WDR89: variants seen among roughly 807,000 people sequenced by gnomAD.
WDR89 encodes the protein WD repeat-containing protein 89.
In WDR89, 17 loss-of-function variants were observed where a neutral mutation model predicts 29.1. That is an observed-to-expected ratio of 0.58 (90% confidence interval 0.40 to 0.88). The LOEUF (loss-of-function observed/expected upper bound fraction) is 0.88, where lower values mean the gene tolerates loss of function less well. Ranked by LOEUF, WDR89 falls within the 40% of genes least tolerant of loss-of-function variation. The probability of loss-of-function intolerance (pLI) is 0.00; values close to 1 mark genes in which losing one functional copy is unlikely to be tolerated. For missense variants in WDR89, 396 were observed against 456.3 expected, an observed-to-expected ratio of 0.87 and a Z score of 1.20; for synonymous variants, 138 against 157.8, an observed-to-expected ratio of 0.87 and a Z score of 0.94.
intron 1 of WDR89, among the ~76,000 whole-genome samples, chr14:63,629,493 C>T (rs1256164890): frequency 6.6e-6 from 1 of 152,232 alleles, no homozygotes; most frequent in Non-Finnish European, 1.5e-5. Context: ...CTTCCTTTCT[C>T]CCTCAGGAAC....
intron 2 of WDR89, among the ~76,000 whole-genome samples, chr14:63,610,325 AG>A (rs1175119691): frequency 3.3e-5 from 5 of 151,802 alleles, no homozygotes; most frequent in Non-Finnish European, 5.9e-5. Flanking sequence ...TAAATAAATG[AG>A]GGAGAAGGAA....
chr14:63,639,688 T>C (rs1171882038), intron 1 of WDR89, among the ~76,000 whole-genome samples: 1 of 152,134 alleles, frequency 6.6e-6, no homozygotes, highest in African/African-American at 2.4e-5. Flanking sequence ...CTTAAACACA[T>C]GGAAATCACT....
At chr14:63,626,032 T>G (rs1309532194) in intron 1 of WDR89, among the ~76,000 whole-genome samples, 1 of 151,918 alleles carries the variant, frequency 6.6e-6, no homozygotes, top group East Asian at 1.9e-4. Context: ...TTTTGTATCT[T>G]TAGTAGAGAT....
chr14:63,603,365 A>G (rs1464375788), intron 2 of WDR89, among the ~76,000 whole-genome samples: 1 of 152,170 alleles, frequency 6.6e-6, no homozygotes, highest in African/African-American at 2.4e-5. Flanking sequence ...ATACTTCACT[A>G]TAACAGCATC....
chr14:63,625,489 T>C (rs909511821), intron 1 of WDR89, among the ~76,000 whole-genome samples: 3 of 151,100 alleles, frequency 2.0e-5, no homozygotes, highest in African/African-American at 7.4e-5. Context: ...TTATGGAATG[T>C]AAATTACACT....
chr14:63,605,427 C>T (rs142071901), intron 2 of WDR89, among the ~76,000 whole-genome samples: 17 of 151,378 alleles, frequency 1.1e-4, no homozygotes, highest in South Asian at 4.2e-4. Context: ...GACTATGTTA[C>T]GGGTTTATGT....
At chr14:63,607,274 T>G (rs1895363096) in intron 2 of WDR89, among the ~76,000 whole-genome samples, 2 of 152,120 alleles carry the variant, frequency 1.3e-5, no homozygotes, top group Admixed American at 6.5e-5. Flanking sequence ...GCCATTCTCC[T>G]GCCTCAGCCT....
chr14:63,636,412 C>CA (rs1883741675), intron 1 of WDR89, among the ~76,000 whole-genome samples: 1 of 152,146 alleles, frequency 6.6e-6, no homozygotes, highest in Non-Finnish European at 1.5e-5. Context: ...CTAGAAAAAA[C>CA]AATCCTAAAA....
intron 2 of WDR89, among the ~76,000 whole-genome samples, chr14:63,605,437 T>A (rs1895277648): frequency 6.6e-6 from 1 of 152,080 alleles, no homozygotes; most frequent in South Asian, 2.1e-4. Context: ...CGGGTTTATG[T>A]TACTCGTTTA....
At chr14:63,627,964 A>C (rs1883175112) in intron 1 of WDR89, among the ~76,000 whole-genome samples, 2 of 152,220 alleles carry the variant, frequency 1.3e-5, no homozygotes, top group Non-Finnish European at 2.9e-5. Flanking sequence ...GGCTGAGCAC[A>C]GTGGCTCACG....
At chr14:63,616,929 A>G (rs1248705470) in intron 2 of WDR89, among the ~76,000 whole-genome samples, 2 of 152,076 alleles carry the variant, frequency 1.3e-5, no homozygotes, top group African/African-American at 4.8e-5. Context: ...CACAAATATG[A>G]AAGAATTTTC....
At chr14:63,601,986 T>C (rs1595015129) in intron 2 of WDR89, among the ~76,000 whole-genome samples, 1 of 152,248 alleles carries the variant, frequency 6.6e-6, no homozygotes, top group Non-Finnish European at 1.5e-5. Context: ...GAATATTCTT[T>C]CTAGCCTGTC....
chr14:63,609,759 C>G (rs1881832512), intron 2 of WDR89, among the ~76,000 whole-genome samples: 1 of 151,004 alleles, frequency 6.6e-6, no homozygotes, highest in African/African-American at 2.4e-5. Context: ...CACTGCACTC[C>G]AGGCTGGAGA....
chr14:63,601,317 G>A (rs945029013), intron 2 of WDR89, among the ~76,000 whole-genome samples: 1 of 151,632 alleles, frequency 6.6e-6, no homozygotes, highest in African/African-American at 2.4e-5. Context: ...TGTGATAGTA[G>A]AACTGGGATT....
intron 2 of WDR89, among the ~76,000 whole-genome samples, chr14:63,607,491 C>G (rs1881643650): frequency 6.6e-6 from 1 of 152,096 alleles, no homozygotes; most frequent in Admixed American, 6.6e-5. Context: ...AGAACAGTAA[C>G]AGAAATCCCC....
At chr14:63,620,179 TG>T in intron 2 of WDR89, among the ~76,000 whole-genome samples, 1 of 152,090 alleles carries the variant, frequency 6.6e-6, no homozygotes. Context: ...TAGCCGAGCG[TG>T]GTGGTGTGCA....
intron 1 of WDR89, among the ~76,000 whole-genome samples, chr14:63,632,428 C>T (rs1411341459): frequency 1.3e-5 from 2 of 151,902 alleles, no homozygotes; most frequent in South Asian, 4.2e-4. Flanking sequence ...GCCAGGAGTT[C>T]AAGACCAGCC....
At chr14:63,603,074 A>G (rs537365388) in intron 2 of WDR89, among the ~76,000 whole-genome samples, 1 of 152,148 alleles carries the variant, frequency 6.6e-6, no homozygotes, top group South Asian at 2.1e-4. Context: ...GGTTTAAAAT[A>G]GAAATAAGCA....
Position 63,601,480 on chromosome 14 carries a change from C to A in WDR89, c.-31-1507G>T. The A allele has an allele frequency of 3.2e-6, 4 of 1,234,890 alleles. No individual in the cohort carries two copies. In the Admixed American group the frequency reaches 7.0e-5, roughly 22 times the overall value. The allele number at this position is 1,234,890 out of a possible 1,614,324, so 76.5% of individuals were successfully genotyped here. Reference sequence around the variant, plus strand: ...CTATAATAAATTCTTGACACTAGAGCAGAGTACGAGTCTGAGGTGGAGGGA... The same window carrying A: ...CTATAATAAATTCTTGACACTAGAGAAGAGTACGAGTCTGAGGTGGAGGGA... On this transcript the variant is annotated intron_variant, in intron 2 of 2. Transcript: ENST00000620954.
Sources: allele counts gnomAD v4.1 joint callset (sites outside exome capture counted in the v4.1 genomes callset), GRCh38; gene constraint gnomAD v4.1.1; transcripts MANE v1.5; gene names NCBI Gene and HGNC (gene_info 2026-07-23, HGNC 2026-07-21).